PRIM2: variants seen among roughly 807,000 people sequenced by gnomAD.
PRIM2 encodes the protein DNA primase subunit 2.
A neutral mutation model predicts 67.3 loss-of-function variants in PRIM2; 39 were observed. The ratio of observed to expected loss-of-function variants is 0.58; its 90% CI spans 0.45 to 0.76. The LOEUF (loss-of-function observed/expected upper bound fraction) is 0.76. Among genes scored for constraint, PRIM2 ranks in the 30% least tolerant of loss-of-function variants. The pLI, the probability that PRIM2 is intolerant of heterozygous loss-of-function variation, is 0.00. For synonymous variants in PRIM2, 143 were observed against 198.7 expected (o/e 0.72, Z 2.36); for missense variants, 398 against 598.7 (o/e 0.66, Z 3.50).
chr6:57,486,321 C>T (rs1330292290), intron 7 of PRIM2, among the ~76,000 whole-genome samples: 3 of 152,194 alleles, frequency 2.0e-5, no homozygotes, highest in Admixed American at 6.5e-5. Flanking sequence ...TTATTTATAT[C>T]CTGCTCATGG....
intron 3 of PRIM2, among the ~76,000 whole-genome samples, chr6:57,322,929 C>A (rs765602399): frequency 1.6e-4 from 24 of 152,258 alleles, no homozygotes; most frequent in Non-Finnish European, 3.2e-4. Flanking sequence ...TGACGATTTT[C>A]TGAGAAGTGA....
At chr6:57,576,773 G>T (rs1775970727) in intron 10 of PRIM2, among the ~76,000 whole-genome samples, 1 of 140,346 alleles carries the variant, frequency 7.1e-6, no homozygotes. Context: ...TAGGTAAATG[G>T]TTTAATGTTG....
intron 8 of PRIM2, among the ~76,000 whole-genome samples, chr6:57,516,190 G>A (rs1774484229): frequency 2.0e-5 from 3 of 151,956 alleles, no homozygotes; most frequent in Admixed American, 2.0e-4. Flanking sequence ...GGATATCCAG[G>A]ATAATCTTTT....
At chr6:57,557,246 A>G (rs1257986068) in intron 10 of PRIM2, among the ~76,000 whole-genome samples, 6 of 144,534 alleles carry the variant, frequency 4.2e-5, no homozygotes, top group African/African-American at 1.6e-4. Context: ...CAGAACTACC[A>G]TTCGACCCAG....
intron 12 of PRIM2, among the ~76,000 whole-genome samples, chr6:57,617,356 C>T (rs1180744709): frequency 2.0e-5 from 3 of 152,146 alleles, no homozygotes; most frequent in South Asian, 4.1e-4. Flanking sequence ...CTGTAAATAA[C>T]CTATTTCCAA....
intron 7 of PRIM2, among the ~76,000 whole-genome samples, chr6:57,457,170 T>G (rs115698560): frequency 6.6e-6 from 1 of 152,196 alleles, no homozygotes; most frequent in African/African-American, 2.4e-5. Context: ...GAGGAGTAGC[T>G]GGCTGTGTGA....
At chr6:57,367,857 G>C (rs1457018585) in intron 5 of PRIM2, among the ~76,000 whole-genome samples, 5 of 152,190 alleles carry the variant, frequency 3.3e-5, no homozygotes, top group Admixed American at 3.3e-4. Flanking sequence ...GCCTGGGCCT[G>C]GCAGGGCATC....
intron 7 of PRIM2, among the ~76,000 whole-genome samples, chr6:57,450,929 T>A (rs1406574130): frequency 6.6e-6 from 1 of 152,174 alleles, no homozygotes; most frequent in Non-Finnish European, 1.5e-5. Flanking sequence ...GTAAGAAAAC[T>A]TTTTAGGAAG....
At chr6:57,517,771 C>G (rs1774518163) in intron 8 of PRIM2, among the ~76,000 whole-genome samples, 2 of 152,110 alleles carry the variant, frequency 1.3e-5, no homozygotes, top group South Asian at 4.1e-4. Context: ...CAGGGCAGCT[C>G]TCACATCTAC....
intron 7 of PRIM2, among the ~76,000 whole-genome samples, chr6:57,464,382 A>AT (rs1161491734): frequency 7.9e-5 from 12 of 151,516 alleles, no homozygotes; most frequent in Admixed American, 2.0e-4. Context: ...GGTTCAAGTG[A>AT]TTCTCCTTCC....
chr6:57,384,759 A>G (rs1047572872), intron 7 of PRIM2, among the ~76,000 whole-genome samples: 2 of 152,188 alleles, frequency 1.3e-5, no homozygotes, highest in Non-Finnish European at 2.9e-5. Context: ...ACAATTGTCT[A>G]CTACCTAGAA....
At chr6:57,619,720 G>GA (rs1207372024) in intron 12 of PRIM2, among the ~76,000 whole-genome samples, 5 of 151,964 alleles carry the variant, frequency 3.3e-5, no homozygotes, top group African/African-American at 1.2e-4. Flanking sequence ...CAAAGACAAA[G>GA]AAAAAAGAAT....
the PRIM2 span, among the ~76,000 whole-genome samples, chr6:57,228,054 A>G: frequency 2.0e-5 from 3 of 152,226 alleles, no homozygotes; most frequent in African/African-American, 7.2e-5. Context: ...TCTACTCAAC[A>G]AATATATAAA....
At chr6:57,583,267 C>T in intron 10 of PRIM2, among the ~76,000 whole-genome samples, 1 of 147,748 alleles carries the variant, frequency 6.8e-6, no homozygotes, top group East Asian at 2.1e-4. Context: ...CATGCTGGTG[C>T]ACTGCACCCA....
At chr6:57,397,537 A>G (rs1382423019) in intron 7 of PRIM2, among the ~76,000 whole-genome samples, 1 of 151,894 alleles carries the variant, frequency 6.6e-6, no homozygotes, top group Non-Finnish European at 1.5e-5. Context: ...TTTTTCTTTA[A>G]GCTATCTATT....
chr6:57,441,660 C>T (rs1481882690), intron 7 of PRIM2, among the ~76,000 whole-genome samples: 1 of 152,138 alleles, frequency 6.6e-6, no homozygotes, highest in Non-Finnish European at 1.5e-5. Flanking sequence ...CCTCAAAGAA[C>T]ATTTGAAAAG....
At position 57,513,150 on chromosome 6, in the gene PRIM2, T is replaced by C. The variant is rs1451249486; in HGVS notation, c.761+5696T>C. Among the ~76,000 whole-genome samples the C allele has an allele frequency of 7.1e-3, 1,070 of 151,482 alleles. 14 individuals carry two copies. The highest frequency in any genetic ancestry group is 0.025 in the African/African-American group (1,018 of 41,094). ...TGTAATCTAAGGAGCCTGCATCTCATTGTGGCTTTACTGTCATTATCATGG... is the reference window on the plus strand; with the variant it reads ...TGTAATCTAAGGAGCCTGCATCTCACTGTGGCTTTACTGTCATTATCATGG... On this transcript the variant is annotated intron_variant, in intron 8 of 13. Transcript: ENST00000615550.
chr6:57,627,438 G>T (rs1269527300), intron 12 of PRIM2, among the ~76,000 whole-genome samples: 9 of 150,768 alleles, frequency 6.0e-5, no homozygotes, highest in Non-Finnish European at 1.3e-4. Context: ...ACCCAGGCTG[G>T]AGTGTAGGGT....
At chr6:57,378,257 G>C (rs1769838315) in intron 5 of PRIM2, among the ~76,000 whole-genome samples, 3 of 151,096 alleles carry the variant, frequency 2.0e-5, no homozygotes, top group Admixed American at 6.6e-5. Flanking sequence ...GTAGAGATGG[G>C]GTCTCACCGT....
Sources: allele counts gnomAD v4.1 joint callset (sites outside exome capture counted in the v4.1 genomes callset), GRCh38; gene constraint gnomAD v4.1.1; transcripts MANE v1.5; gene names NCBI Gene and HGNC (gene_info 2026-07-23, HGNC 2026-07-21).